The following IFFO2 variants were observed in gnomAD, a reference collection of about 807,000 sequenced individuals.
The protein encoded by IFFO2 is intermediate filament family orphan 2.
Under a neutral mutation model 53.5 loss-of-function variants are expected in IFFO2, and 19 were observed. The ratio of observed to expected loss-of-function variants is 0.36; its 90% CI spans 0.25 to 0.52. IFFO2 has a LOEUF of 0.52. Ranked by LOEUF, IFFO2 falls within the 20% of genes least tolerant of loss-of-function variation. The probability of loss-of-function intolerance (pLI) is 0.94; values close to 1 mark genes in which losing one functional copy is unlikely to be tolerated. For synonymous variants in IFFO2, 303 were observed against 313.6 expected (o/e 0.97, Z 0.36); for missense variants, 570 against 727.4 (o/e 0.78, Z 2.49).
chr1:18,917,954 T>A lies in IFFO2; in HGVS notation c.963+408A>T, dbSNP rs1936159782. On this transcript the variant is annotated intron_variant, in intron 4 of 8. Coordinates refer to ENST00000455833, the MANE Select transcript of IFFO2 (RefSeq NM_001136265.2). The surrounding 1 kb of genome is among the most constrained non-coding windows in gnomAD (Gnocchi z 5.9). ...GAGCTCAGGCCAGCTCCCCCACTTC[T>A]CCCCATAACCTGGCCAGGGTTCCCC... Among the ~76,000 whole-genome samples the A allele has an allele frequency of 6.6e-6, 1 of 151,988 alleles. No homozygotes were observed. Among genetic ancestry groups the A allele is most frequent in the Admixed American group, 6.6e-5 (1 of 15,264 alleles).
At chr1:18,915,403 G>A (rs1557639438) in intron 5 of IFFO2, among the ~76,000 whole-genome samples, 2 of 150,554 alleles carry the variant, frequency 1.3e-5, no homozygotes, top group East Asian at 2.0e-4. Context: ...TTCCTGCAAT[G>A]GCAAATTTTA....
chr1:18,934,926 T>C (rs1006379057), intron 1 of IFFO2, among the ~76,000 whole-genome samples: 4 of 152,184 alleles, frequency 2.6e-5, no homozygotes, highest in African/African-American at 9.7e-5. Flanking sequence ...TACCCTCACA[T>C]TTGCATATGT....
At position 18,917,292 on chromosome 1, in the gene IFFO2, C is replaced by T. The variant is rs1020329619; in HGVS notation, c.964-250G>A. 1.4e-4 allele frequency among the ~76,000 whole-genome samples: 21 copies of T among 152,112 alleles called. No individual in the cohort carries two copies. Among genetic ancestry groups the T allele is most frequent in the Non-Finnish European group, 2.5e-4 (17 of 68,012 alleles). On this transcript the variant is annotated intron_variant, in intron 4 of 8. Coordinates refer to ENST00000455833, the MANE Select transcript of IFFO2 (RefSeq NM_001136265.2). The surrounding 1 kb of genome is among the most constrained non-coding windows in gnomAD (Gnocchi z 5.9). Reference sequence around the variant, plus strand: ...GGGCGGCCTGGTGGGTGCGCCGGCTCGGCTCGCCCTTTTACCACAGAAGCA... The same window carrying T: ...GGGCGGCCTGGTGGGTGCGCCGGCTTGGCTCGCCCTTTTACCACAGAAGCA...
At chr1:18,915,325 G>A (rs1936115254) in intron 5 of IFFO2, among the ~76,000 whole-genome samples, 1 of 152,194 alleles carries the variant, frequency 6.6e-6, no homozygotes, top group Admixed American at 6.5e-5. Context: ...GCTAGAAGGA[G>A]CATGCCCTCT....
At position 18,956,065 on chromosome 1, in the gene IFFO2, T is replaced by C; in HGVS notation, c.268A>G (p.Ser90Gly). The C allele has an allele frequency of 6.8e-7, 1 of 1,476,140 alleles. No individual in the cohort carries two copies. The highest frequency in any genetic ancestry group is 1.8e-4 in the Middle Eastern group (1 of 5,610). 91.4% of individuals were successfully genotyped at this position (1,476,140 alleles called of 1,614,324 possible). A position where few individuals can be genotyped will look rare whatever the true frequency, so the allele number is the denominator to read the frequency against. The change falls in exon 1 of 9, where the codon AGC becomes GGC. Residue 90 changes from serine (S) to glycine (G), a missense_variant. Ser to Gly is a moderately conservative substitution (Grantham distance 56, BLOSUM62 0). Coordinates refer to ENST00000455833, the MANE Select transcript of IFFO2 (RefSeq NM_001136265.2). The surrounding 1 kb of genome is among the most constrained non-coding windows in gnomAD (Gnocchi z 6.4). ...LLEKQLEQQQ[S>G]ERERRLRYKT... is the part of the protein sequence containing the mutation. The stretch of plus-strand genomic sequence containing the variant: ...TAGCGCAGCCGCCGCTCGCGCTCGC[T>C]CTGCTGCTGCTCCAGCTGCTTCTCC...
At chr1:18,911,300 C>G in intron 7 of IFFO2, 84 bp downstream of exon 7, 1 of 662,510 alleles carries the variant, frequency 1.5e-6, no homozygotes, top group Non-Finnish European at 2.3e-6. Flanking sequence ...CTGCCCATGA[C>G]ACATGGGTGT....
Position 18,928,986 on chromosome 1 carries a change from A to C in IFFO2, c.666-7865T>G, listed in dbSNP as rs745605029. Among the ~76,000 whole-genome samples the C allele has an allele frequency of 2.6e-5, 4 of 152,164 alleles. No homozygotes were observed. The highest frequency in any genetic ancestry group is 5.9e-5 in the Non-Finnish European group (4 of 68,010). On this transcript the variant is annotated intron_variant, in intron 1 of 8. Transcript: ENST00000455833. The surrounding 1 kb of genome is among the most constrained non-coding windows in gnomAD (Gnocchi z 4.9). ...CCCGCTGGGTGCCCTCTCCCAGAAG[A>C]AGCAGCAGCGTGGTGTGGGAGCATG...
chr1:18,951,916 G>T (rs1048086618), intron 1 of IFFO2, among the ~76,000 whole-genome samples: 2 of 152,128 alleles, frequency 1.3e-5, no homozygotes, highest in African/African-American at 4.8e-5. Context: ...CGGGCCTCTT[G>T]GAGTCACTGA....
At position 18,917,699 on chromosome 1, in the gene IFFO2, C is replaced by T. The variant is rs556688869; in HGVS notation, c.964-657G>A. On this transcript the variant is annotated intron_variant, in intron 4 of 8. Coordinates refer to ENST00000455833, the MANE Select transcript of IFFO2 (RefSeq NM_001136265.2). This position sits in a 1 kb window ranked among gnomAD's most constrained non-coding sequence, Gnocchi z 5.9. ...CTCAAGCAAAAGCCAAACCACAACC[C>T]GAAACTCAAGAAGCAGCCTTCGGAG... Among the ~76,000 whole-genome samples, 106 of 152,240 alleles carry T rather than the reference C, an allele frequency of 7.0e-4. No homozygotes were observed. The highest frequency in any genetic ancestry group is 3.4e-3 in the Middle Eastern group (1 of 294).
Position 18,943,502 on chromosome 1 carries a change from C to T in IFFO2, c.665+12166G>A, listed in dbSNP as rs566632311. On this transcript the variant is annotated intron_variant, in intron 1 of 8. Transcript: ENST00000455833. Reference sequence around the variant, plus strand: ...ATGGGGAATGAAAGATCAGCCTCTACGGTTCACCCAACTCCAACATTCTAG... The same window carrying T: ...ATGGGGAATGAAAGATCAGCCTCTATGGTTCACCCAACTCCAACATTCTAG... Among the ~76,000 whole-genome samples, 259 of 152,330 alleles carry T rather than the reference C, an allele frequency of 1.7e-3. 4 individuals are homozygous for T. Among genetic ancestry groups the T allele is most frequent in the East Asian group, 4.0e-3 (21 of 5,188 alleles).
At chr1:18,925,748 A>G (rs145678362) in intron 1 of IFFO2, among the ~76,000 whole-genome samples, 54 of 151,544 alleles carry the variant, frequency 3.6e-4, no homozygotes, top group African/African-American at 8.2e-4. Context: ...ACATTTATCG[A>G]ATGGATTGGT....
intron 1 of IFFO2, among the ~76,000 whole-genome samples, chr1:18,946,409 C>CTTTTTTTTTTTTTTTT (rs71577809): frequency 1.0e-5 from 1 of 96,542 alleles, no homozygotes; most frequent in Non-Finnish European, 2.1e-5. Flanking sequence ...TTGCCACTTT[C>CTTTTTTTTTTTTTTTT]TTTTTTTTTT....
rs1294960803 is a variant in IFFO2, at chr1:18,917,947, C to A, written c.963+415G>T. On this transcript the variant is annotated intron_variant, in intron 4 of 8. Coordinates refer to ENST00000455833, the MANE Select transcript of IFFO2 (RefSeq NM_001136265.2). The surrounding 1 kb of genome is among the most constrained non-coding windows in gnomAD (Gnocchi z 5.9). ...TCTACCAGAGCTCAGGCCAGCTCCC[C>A]CACTTCTCCCCATAACCTGGCCAGG... Among the ~76,000 whole-genome samples the A allele has an allele frequency of 6.6e-6, 1 of 152,236 alleles. No homozygotes were observed. Among genetic ancestry groups the A allele is most frequent in the Non-Finnish European group, 1.5e-5 (1 of 68,038 alleles).
intron 5 of IFFO2, among the ~76,000 whole-genome samples, chr1:18,915,271 G>T (rs562277243): frequency 3.9e-5 from 6 of 152,312 alleles, no homozygotes; most frequent in African/African-American, 1.4e-4. Flanking sequence ...GGTTAGGAGA[G>T]CCCGTGCCCT....
chr1:18,932,325 G>A (rs1051690602), intron 1 of IFFO2, among the ~76,000 whole-genome samples: 2 of 152,242 alleles, frequency 1.3e-5, no homozygotes, highest in East Asian at 3.8e-4. Flanking sequence ...TCTCTGGTCT[G>A]TAAAATGGTC....
At chr1:18,913,748 G>A (rs182552041) in intron 5 of IFFO2, among the ~76,000 whole-genome samples, 153 of 152,362 alleles carry the variant, frequency 1.0e-3, no homozygotes, top group African/African-American at 3.3e-3. Flanking sequence ...GGTCAGGGCG[G>A]CCCACACAGA....
chr1:18,925,808 T>C (rs377008692), intron 1 of IFFO2, among the ~76,000 whole-genome samples: 3 of 49,740 alleles, frequency 6.0e-5, no homozygotes, highest in Non-Finnish European at 1.2e-4. Flanking sequence ...GATGGATTGG[T>C]TGGATGGATG....
At chr1:18,943,631 C>G (rs1399363877) in intron 1 of IFFO2, among the ~76,000 whole-genome samples, 1 of 152,194 alleles carries the variant, frequency 6.6e-6, no homozygotes, top group Non-Finnish European at 1.5e-5. Context: ...GTATCATCAT[C>G]CCATCCCATC....
intron 1 of IFFO2, among the ~76,000 whole-genome samples, chr1:18,951,468 C>T (rs932714554): frequency 6.6e-6 from 1 of 152,236 alleles, no homozygotes; most frequent in African/African-American, 2.4e-5. Context: ...ACCAGGCCAG[C>T]CAGCTGCAAA....
Sources: allele counts gnomAD v4.1 joint callset (sites outside exome capture counted in the v4.1 genomes callset), GRCh38; gene constraint gnomAD v4.1.1; non-coding constraint Gnocchi (gnomAD v3.1); transcripts MANE v1.5; gene names NCBI Gene and HGNC (gene_info 2026-07-23, HGNC 2026-07-21).